The following COL9A1 variants were observed in gnomAD, a reference collection of about 807,000 sequenced individuals.
The protein encoded by COL9A1 is collagen alpha-1(IX) chain.
A neutral mutation model predicts 142.6 loss-of-function variants in COL9A1; 104 were observed. The ratio of observed to expected loss-of-function variants is 0.73; its 90% CI spans 0.62 to 0.86. COL9A1 has a LOEUF of 0.86. Ranked by LOEUF, COL9A1 falls within the 40% of genes least tolerant of loss-of-function variation. The pLI, the probability that COL9A1 is intolerant of heterozygous loss-of-function variation, is 0.00. For missense variants in COL9A1, 1,210 were observed against 1,176.6 expected, an observed-to-expected ratio of 1.03 and a Z score of -0.42; for synonymous variants, 466 against 396.0, an observed-to-expected ratio of 1.18 and a Z score of -2.10.
intron 20 of COL9A1, among the ~76,000 whole-genome samples, chr6:70,257,679 G>T (rs1771407731): frequency 6.6e-6 from 1 of 152,116 alleles, no homozygotes; most frequent in African/African-American, 2.4e-5. Context: ...CCCGAGAGGA[G>T]GAGATTGCGT....
Position 70,283,055 on chromosome 6 carries a change from C to T in COL9A1, c.781-137G>A, listed in dbSNP as rs746049599. The T allele has an allele frequency of 9.0e-6, 14 of 1,547,342 alleles. No individual in the cohort carries two copies. The Admixed American group carries it at 2.5e-4, about 28-fold the overall frequency. On this transcript the variant is annotated intron_variant, in intron 6 of 37. Coordinates refer to ENST00000357250, the MANE Select transcript of COL9A1 (RefSeq NM_001851.6). Reference sequence around the variant, plus strand: ...CGGTCCCGCGCAGTCCAGGCCATGCCCGCCGCCCGCCGCTAATCCCTTGGC... The same window carrying T: ...CGGTCCCGCGCAGTCCAGGCCATGCTCGCCGCCCGCCGCTAATCCCTTGGC...
At position 70,242,613 on chromosome 6, in the gene COL9A1, A is replaced by G. The variant is rs185565784; in HGVS notation, c.1926+49T>C. On this transcript the variant is annotated intron_variant, in intron 29 of 37. Transcript: ENST00000357250. ...TTTTCTCCTCTTGCTTATTTTTAAA[A>G]ATGCATTGTGTTTCGTAGAAGGCAA... 23 of 1,498,802 alleles carry G rather than the reference A, an allele frequency of 1.5e-5. No individual in the cohort carries two copies. The East Asian group carries it at 5.0e-4, about 32-fold the overall frequency. 92.8% of individuals were successfully genotyped at this position (1,498,802 alleles called of 1,614,324 possible).
intron 10 of COL9A1, among the ~76,000 whole-genome samples, chr6:70,279,277 T>C (rs138139527): frequency 2.6e-5 from 4 of 152,228 alleles, no homozygotes; most frequent in Non-Finnish European, 4.4e-5. Flanking sequence ...AAGAGTTTGA[T>C]TGCCAACAAG....
chr6:70,254,249 G>T (rs1439799131), intron 25 of COL9A1, among the ~76,000 whole-genome samples: 2 of 152,066 alleles, frequency 1.3e-5, no homozygotes, highest in Non-Finnish European at 2.9e-5. Context: ...GAGAGAAAAG[G>T]AATCCAAAGC....
chr6:70,302,937 T>G lies in COL9A1; in HGVS notation c.-13A>C. On this transcript the variant is annotated 5_prime_UTR_variant, in exon 1 of 38. Transcript: ENST00000357250. ...AGCAGGTCTTCATTTTCCCAGTTGA[T>G]TTTCTTTGTTTGCCAACAGTCCCTA... 6.2e-7 allele frequency: 1 copy of G among 1,613,990 alleles called. No homozygotes were observed. The highest frequency in any genetic ancestry group is 1.1e-5 in the South Asian group (1 of 91,074).
At chr6:70,280,458 C>T in intron 10 of COL9A1, 5 of 1,243,370 alleles carry the variant, frequency 4.0e-6, no homozygotes, top group Non-Finnish European at 4.0e-6. Context: ...GCAGGTAAGC[C>T]GAAGCCAGTA....
In COL9A1 at chr6:70,216,617, A is replaced by G; in HGVS notation, c.*280T>C. ...CACTAAAGCTCAAGATCCTGGGAAC[A>G]GGAGTATAAATTTATTCAAGGGAGG... On this transcript the variant is annotated 3_prime_UTR_variant, in exon 38 of 38. Coordinates refer to ENST00000357250, the MANE Select transcript of COL9A1 (RefSeq NM_001851.6). The G allele has an allele frequency of 2.1e-6, 1 of 474,616 alleles. No homozygotes were observed. The highest frequency in any genetic ancestry group is 3.9e-6 in the Non-Finnish European group (1 of 259,144). 29.4% of individuals were successfully genotyped at this position (474,616 alleles called of 1,614,324 possible).
intron 36 of COL9A1, among the ~76,000 whole-genome samples, chr6:70,227,651 T>C (rs1769320136): frequency 6.6e-6 from 1 of 152,116 alleles, no homozygotes; most frequent in African/African-American, 2.4e-5. Flanking sequence ...GAGATAAAGA[T>C]GGAGTGTATG....
At chr6:70,237,011 T>C (rs6922941) in intron 33 of COL9A1, among the ~76,000 whole-genome samples, 56,202 of 152,022 alleles carry the variant, frequency 0.37, 12,226 homozygotes, top group Non-Finnish European at 0.5. Context: ...TTAGTAAAGA[T>C]GAGGTTTCTC....
At chr6:70,263,541 T>C (rs112909555) in intron 18 of COL9A1, among the ~76,000 whole-genome samples, 4 of 152,000 alleles carry the variant, frequency 2.6e-5, no homozygotes, top group African/African-American at 9.6e-5. Context: ...CCAGTAACAT[T>C]TAGATGTTAT....
At chr6:70,237,781 T>G (rs1340782224) in intron 33 of COL9A1, among the ~76,000 whole-genome samples, 3 of 152,202 alleles carry the variant, frequency 2.0e-5, no homozygotes, top group Non-Finnish European at 2.9e-5. Context: ...TGAGACATAG[T>G]GTTTAGAGGC....
At chr6:70,282,513 G>A (rs540071049) in intron 7 of COL9A1, among the ~76,000 whole-genome samples, 17 of 151,226 alleles carry the variant, frequency 1.1e-4, no homozygotes, top group African/African-American at 3.9e-4. Context: ...GAGAGGGAGC[G>A]TGCCTGGATT....
At chr6:70,275,073 C>T (rs529887120) in intron 10 of COL9A1, 246 of 402,382 alleles carry the variant, frequency 6.1e-4, no homozygotes, top group African/African-American at 4.1e-3. Context: ...GAAAAAAATG[C>T]AACATAGCAA....
At chr6:70,291,462 C>G (rs991540607) in intron 5 of COL9A1, among the ~76,000 whole-genome samples, 23 of 152,122 alleles carry the variant, frequency 1.5e-4, no homozygotes, top group African/African-American at 5.6e-4. Flanking sequence ...TCTTAGCATG[C>G]AGCACTGGCC....
intron 14 of COL9A1, 52 bp from the exon 15 acceptor site, chr6:70,270,419 G>A (rs1423971796): frequency 1.3e-6 from 2 of 1,544,898 alleles, no homozygotes. Context: ...TCAAAACACA[G>A]TACATAAAAC....
intron 36 of COL9A1, 110 bp downstream of exon 36, chr6:70,232,473 T>C: frequency 8.4e-7 from 1 of 1,189,810 alleles, no homozygotes; most frequent in Non-Finnish European, 1.3e-6. Flanking sequence ...ATACATCTTA[T>C]CTCACTGGAT....
At chr6:70,256,657 G>T (rs1274413384) in intron 21 of COL9A1, 111 bp downstream of exon 21, 9 of 759,862 alleles carry the variant, frequency 1.2e-5, no homozygotes. Context: ...TATATAAATT[G>T]TCCACTTTTC....
chr6:70,295,597 C>T (rs1773824699), intron 4 of COL9A1, among the ~76,000 whole-genome samples: 1 of 151,992 alleles, frequency 6.6e-6, no homozygotes, highest in African/African-American at 2.4e-5. Context: ...CCAGTTGTTC[C>T]TTAATCTGCC....
chr6:70,229,439 G>T (rs866735152), intron 36 of COL9A1, among the ~76,000 whole-genome samples: 1 of 152,090 alleles, frequency 6.6e-6, no homozygotes, highest in Non-Finnish European at 1.5e-5. Flanking sequence ...CATTATGAAC[G>T]AGTGGAAATT....
Sources: gnomAD v4.1 joint callset for allele counts (sites outside exome capture counted in the v4.1 genomes callset) on GRCh38, gnomAD v4.1.1 for gene constraint, MANE v1.5 for transcripts, NCBI Gene and HGNC (gene_info 2026-07-23, HGNC 2026-07-21) for gene names.